Variants in NPRL3 observed in about 807,000 individuals in gnomAD.
NPRL3 encodes NPR3 like, GATOR1 complex subunit.
Under a neutral mutation model 57.2 loss-of-function variants are expected in NPRL3, and 23 were observed. The observed-to-expected ratio is 0.40, with a 90% CI of 0.29 to 0.57. NPRL3 has a LOEUF of 0.57. Among genes scored for constraint, NPRL3 ranks in the 20% least tolerant of loss-of-function variants. The pLI is 0.42. For missense variants in NPRL3, 691 were observed against 767.1 expected, an observed-to-expected ratio of 0.90 and a Z score of 1.17; for synonymous variants, 333 against 321.1, an observed-to-expected ratio of 1.04 and a Z score of -0.39.
intron 7 of NPRL3, among the ~76,000 whole-genome samples, chr16:109,686 T>A (rs111491676): frequency 0.014 from 2,164 of 152,122 alleles, 33 homozygotes; most frequent in African/African-American, 0.031. Flanking sequence ...TGTACCTCTG[T>A]CCCACCAGCA....
In NPRL3 at chr16:89,922, A is replaced by C. The variant is rs373270535; in HGVS notation, c.1162-20T>G. 2.0e-6 allele frequency: 3 copies of C among 1,537,894 alleles called. No homozygotes were observed. The highest frequency in any genetic ancestry group is 2.6e-6 in the Non-Finnish European group (3 of 1,142,246). ...CTGGGTCTGCGGGTGGCAGCAGGTG[A>C]GGCTGGTCCCCCTCCCCACTCCAAC... On this transcript the variant is annotated intron_variant, in intron 11 of 13. Coordinates refer to ENST00000611875, the MANE Select transcript of NPRL3 (RefSeq NM_001077350.3).
At chr16:126,464 A>C (rs952173747) in intron 3 of NPRL3, 3 of 150,486 alleles carry the variant, frequency 2.0e-5, no homozygotes, top group African/African-American at 2.4e-5. Context: ...TAATAATAAT[A>C]ATATGATTTC....
At chr16:94,026 G>C (rs1898879897) in intron 9 of NPRL3, among the ~76,000 whole-genome samples, 1 of 152,072 alleles carries the variant, frequency 6.6e-6, no homozygotes, top group Admixed American at 6.5e-5. Context: ...GGGCTTAGCT[G>C]GATGTCCTGG....
At chr16:130,500 G>C (rs781245485) in intron 3 of NPRL3, 22 bp downstream of exon 3, 2 of 1,547,328 alleles carry the variant, frequency 1.3e-6, no homozygotes, top group East Asian at 2.4e-5. Flanking sequence ...GCCCCGCCCT[G>C]AAGTGGCCGC....
chr16:88,298 G>A (rs966873232), intron 13 of NPRL3, among the ~76,000 whole-genome samples: 3 of 151,774 alleles, frequency 2.0e-5, no homozygotes, highest in Non-Finnish European at 2.9e-5. Context: ...GGAGAATGGC[G>A]TGAACCCGGG....
At chr16:96,238 T>G (rs1210591192) in intron 9 of NPRL3, among the ~76,000 whole-genome samples, 1 of 152,028 alleles carries the variant, frequency 6.6e-6, no homozygotes, top group Non-Finnish European at 1.5e-5. Flanking sequence ...CCAAGGAGAC[T>G]CTGACAGCAA....
chr16:96,641 T>C (rs1426089761), intron 9 of NPRL3, among the ~76,000 whole-genome samples: 2 of 98,640 alleles, frequency 2.0e-5, no homozygotes, highest in Non-Finnish European at 3.8e-5. Flanking sequence ...GGAAACCCCG[T>C]CTCTACCAAA....
chr16:133,422 G>A (rs1900906120), intron 2 of NPRL3, among the ~76,000 whole-genome samples: 1 of 152,054 alleles, frequency 6.6e-6, no homozygotes, highest in South Asian at 2.1e-4. Flanking sequence ...AGCAGAGATG[G>A]GGTTTCACCA....
chr16:95,361 AC>A (rs1898958244), intron 9 of NPRL3, among the ~76,000 whole-genome samples: 2 of 80,394 alleles, frequency 2.5e-5, no homozygotes, highest in Non-Finnish European at 6.0e-5. Context: ...ACACACACAC[AC>A]ACACACACAC....
At chr16:133,529 G>GTTGT (rs71391114) in intron 2 of NPRL3, among the ~76,000 whole-genome samples, 39 of 151,196 alleles carry the variant, frequency 2.6e-4, no homozygotes, top group Admixed American at 1.1e-3. Context: ...TGTGCCTAGC[G>GTTGT]TTGTTTGTTT....
intron 2 of NPRL3, among the ~76,000 whole-genome samples, chr16:132,353 G>A (rs750334495): frequency 6.6e-6 from 1 of 152,074 alleles, no homozygotes; most frequent in Non-Finnish European, 1.5e-5. Flanking sequence ...GTCCTCATCC[G>A]TTCAAGTTTT....
At chr16:117,975 C>T (rs1353180419) in intron 4 of NPRL3, among the ~76,000 whole-genome samples, 1 of 152,192 alleles carries the variant, frequency 6.6e-6, no homozygotes, top group Non-Finnish European at 1.5e-5. Flanking sequence ...GCACCCATCC[C>T]CTACCCCTGA....
intron 2 of NPRL3, 79 bp downstream of exon 2, chr16:138,071 C>T (rs1901193831): frequency 3.8e-6 from 4 of 1,056,260 alleles, no homozygotes; most frequent in African/African-American, 1.6e-5. Flanking sequence ...CTAAGCTCCG[C>T]GAGGCGGCCC....
chr16:110,026 A>G lies in NPRL3; in HGVS notation c.629+499T>C, dbSNP rs532265769. 1.4e-4 allele frequency among the ~76,000 whole-genome samples: 22 copies of G among 152,298 alleles called. No individual in the cohort carries two copies. The South Asian group carries it at 4.3e-3, about 30-fold the overall frequency. On this transcript the variant is annotated intron_variant, in intron 7 of 13. Coordinates refer to ENST00000611875, the MANE Select transcript of NPRL3 (RefSeq NM_001077350.3). Reference sequence around the variant, plus strand: ...GCGCGGTGCTCACGCCAGTAATCCCAACACTTTGGGAGGCCGAGGCGGGTG... The same window carrying G: ...GCGCGGTGCTCACGCCAGTAATCCCGACACTTTGGGAGGCCGAGGCGGGTG...
rs1057524503 is a variant in NPRL3 at position 89,825 on chromosome 16, C to T, written c.1239G>A (p.Met413Ile). ...LIQLHTYVCLMASPSEEEPRP... is the reference protein window; with the variant it reads ...LIQLHTYVCLIASPSEEEPRP... ...GGGGCTCCTCCTCGCTGGGTGAGGC[C>T]ATCAGGCAGACATAGGTGTGCAGCT... Residue 413 changes from methionine to isoleucine, a missense_variant, in exon 12 of 14, where the codon ATG (methionine) becomes ATA (isoleucine). Transcript: ENST00000611875. The T allele has an allele frequency of 6.3e-7, 1 of 1,586,572 alleles. No homozygotes were observed. Among genetic ancestry groups the T allele is most frequent in the South Asian group, 1.2e-5 (1 of 86,798 alleles).
intron 2 of NPRL3, among the ~76,000 whole-genome samples, chr16:137,658 T>C (rs941812712): frequency 2.8e-4 from 43 of 151,990 alleles, no homozygotes; most frequent in African/African-American, 9.9e-4. Flanking sequence ...CAAGCAATTC[T>C]CCTGCCTCAG....
At chr16:111,505 G>A (rs1002855707) in intron 6 of NPRL3, among the ~76,000 whole-genome samples, 1 of 151,592 alleles carries the variant, frequency 6.6e-6, no homozygotes, top group Non-Finnish European at 1.5e-5. Flanking sequence ...CTGGAGTGCA[G>A]TGGTGCAATC....
intron 3 of NPRL3, among the ~76,000 whole-genome samples, chr16:128,343 G>A (rs1900636294): frequency 6.6e-6 from 1 of 152,200 alleles, no homozygotes; most frequent in South Asian, 2.1e-4. Context: ...ATAGTGAGCA[G>A]CACGGCTGTG....
chr16:131,556 C>T lies in NPRL3; in HGVS notation c.119-965G>A, dbSNP rs574438272. Among the ~76,000 whole-genome samples, 4 of 134,040 alleles carry T rather than the reference C, an allele frequency of 3.0e-5. No individual in the cohort carries two copies. In the South Asian group the frequency reaches 9.2e-4, roughly 31 times the overall value. The allele number at this position is 134,040 out of a possible 152,430, so 87.9% of individuals were successfully genotyped here. The stretch of plus-strand genomic sequence containing the variant: ...GCTACTCAGGAGGATGAGGATTGTG[C>T]TACTGCACTTGAGCCTGGGTGACAG... On this transcript the variant is annotated intron_variant, in intron 2 of 13. Transcript: ENST00000611875.
Sources: allele counts gnomAD v4.1 joint callset (sites outside exome capture counted in the v4.1 genomes callset), GRCh38; gene constraint gnomAD v4.1.1; transcripts MANE v1.5; gene names NCBI Gene and HGNC (gene_info 2026-07-23, HGNC 2026-07-21).